Variants in RHOBTB1 observed in about 807,000 individuals in gnomAD.
RHOBTB1 encodes the protein Rho related BTB domain containing 1.
In RHOBTB1, 40 loss-of-function variants were observed where a neutral mutation model predicts 71.6. The ratio of observed to expected loss-of-function variants is 0.56; its 90% CI spans 0.43 to 0.73. The LOEUF (loss-of-function observed/expected upper bound fraction) is 0.73, where lower values mean the gene tolerates loss of function less well. Ranked by LOEUF, RHOBTB1 falls within the 30% of genes least tolerant of loss-of-function variation. RHOBTB1 has a pLI of 0.00. For missense variants in RHOBTB1, 797 were observed against 894.0 expected (o/e 0.89, Z 1.38); for synonymous variants, 319 against 334.9 (o/e 0.95, Z 0.52).
At chr10:60,908,658 GT>G (rs1403576502) in intron 4 of RHOBTB1, among the ~76,000 whole-genome samples, 3 of 152,144 alleles carry the variant, frequency 2.0e-5, no homozygotes, top group African/African-American at 7.2e-5. Flanking sequence ...ACTTCTCTCA[GT>G]TTTTTCCATA....
chr10:60,961,782 A>C (rs932182277), intron 2 of RHOBTB1, among the ~76,000 whole-genome samples: 9 of 151,380 alleles, frequency 5.9e-5, no homozygotes, highest in African/African-American at 2.2e-4. Context: ...CAATGCTATT[A>C]ATGCAGTGGT....
intron 2 of RHOBTB1, among the ~76,000 whole-genome samples, chr10:60,925,972 C>T (rs1946592): frequency 0.48 from 72,701 of 151,884 alleles, 18,108 homozygotes; most frequent in East Asian, 0.74. Context: ...GTCTCACACC[C>T]GTAATCCTAG....
chr10:60,900,377 G>C (rs1211844214), intron 4 of RHOBTB1, among the ~76,000 whole-genome samples: 1 of 152,212 alleles, frequency 6.6e-6, no homozygotes, highest in Non-Finnish European at 1.5e-5. Context: ...GGTATAGCCT[G>C]AGGATCAGAT....
chr10:60,906,682 C>T (rs907024060), intron 4 of RHOBTB1, among the ~76,000 whole-genome samples: 1 of 152,188 alleles, frequency 6.6e-6, no homozygotes, highest in Non-Finnish European at 1.5e-5. Flanking sequence ...GTAGCACAGG[C>T]CTGGTGCCTG....
Position 60,889,179 on chromosome 10 carries a change from T to C in RHOBTB1, c.489A>G (p.Ile163Met). 3 of 1,608,300 alleles carry C rather than the reference T, an allele frequency of 1.9e-6. No homozygotes were observed. The highest frequency in any genetic ancestry group is 2.5e-6 in the Non-Finnish European group (3 of 1,177,760). The change falls in exon 6 of 11, where the codon ATA becomes ATG. Residue 163 changes from isoleucine to methionine, a missense_variant. Physicochemically the swap from Ile to Met is conservative, Grantham distance 10. Around this residue, in one of 2 missense-constraint regions of RHOBTB1, gnomAD observed 658 missense variants for 681.5 expected, o/e 0.97. Transcript: ENST00000337910. ...CTGGGGGCAAAATATCCCCTCTCTT[T>C]ATGGGCCTGAAATAGAACATTTTAA... ...NRARRPLARP[I>M]KRGDILPPEK...
chr10:60,874,914 T>C (rs970964737), intron 9 of RHOBTB1, 40 bp downstream of exon 9: 6 of 1,331,656 alleles, frequency 4.5e-6, no homozygotes, highest in Non-Finnish European at 5.4e-6. Flanking sequence ...AATGAACTGA[T>C]TGAACACACT....
intron 2 of RHOBTB1, among the ~76,000 whole-genome samples, chr10:60,920,216 T>C (rs2083480015): frequency 6.6e-6 from 1 of 152,078 alleles, no homozygotes; most frequent in Admixed American, 6.5e-5. Context: ...GGCCTATAGG[T>C]GTACAGTGAA....
intron 1 of RHOBTB1, among the ~76,000 whole-genome samples, chr10:60,988,778 C>G (rs1286656051): frequency 1.3e-5 from 2 of 152,156 alleles, no homozygotes; most frequent in Non-Finnish European, 2.9e-5. Flanking sequence ...GAATTAATAG[C>G]AAGTTTAAAT....
chr10:60,906,500 G>T (rs1450794611), intron 4 of RHOBTB1, among the ~76,000 whole-genome samples: 11 of 152,344 alleles, frequency 7.2e-5, no homozygotes, highest in African/African-American at 2.6e-4. Flanking sequence ...CAGCATGGTG[G>T]ATGGGGAAGA....
intron 2 of RHOBTB1, among the ~76,000 whole-genome samples, chr10:60,983,267 A>C (rs918352162): frequency 2.0e-5 from 3 of 152,196 alleles, no homozygotes; most frequent in African/African-American, 7.2e-5. Flanking sequence ...AGTGAAAATG[A>C]TATCTTCTTA....
upstream of RHOBTB1, among the ~76,000 whole-genome samples, chr10:60,947,440 T>C (rs959700810): frequency 6.6e-6 from 1 of 152,190 alleles, no homozygotes; most frequent in Non-Finnish European, 1.5e-5. Flanking sequence ...TGTTCCACTA[T>C]CACAAAAGAA....
chr10:60,932,515 A>AAAAG (rs1306685533), intron 2 of RHOBTB1, among the ~76,000 whole-genome samples: 1 of 144,240 alleles, frequency 6.9e-6, no homozygotes, highest in East Asian at 2.0e-4. Context: ...TCTTAAAGTA[A>AAAAG]AAAAAAAAAA....
chr10:60,883,780 C>T (rs1240388873), intron 7 of RHOBTB1, among the ~76,000 whole-genome samples: 1 of 152,194 alleles, frequency 6.6e-6, no homozygotes, highest in Non-Finnish European at 1.5e-5. Context: ...AGTAATGACT[C>T]TTACACCCCA....
At chr10:60,899,091 C>T (rs1418287950) in intron 4 of RHOBTB1, among the ~76,000 whole-genome samples, 2 of 152,172 alleles carry the variant, frequency 1.3e-5, no homozygotes, top group African/African-American at 2.4e-5. Flanking sequence ...AGGCCATTTT[C>T]CACTCAAAAT....
intron 1 of RHOBTB1, among the ~76,000 whole-genome samples, chr10:60,993,529 G>A (rs1236132908): frequency 6.6e-6 from 1 of 151,984 alleles, no homozygotes; most frequent in Non-Finnish European, 1.5e-5. Context: ...CTCAAAAACT[G>A]AGAACAAAAT....
chr10:60,924,210 C>T (rs570123163), intron 2 of RHOBTB1, among the ~76,000 whole-genome samples: 1 of 151,492 alleles, frequency 6.6e-6, no homozygotes, highest in African/African-American at 2.4e-5. Flanking sequence ...GGACACAAAC[C>T]CTCTCCATAA....
At chr10:60,903,207 T>C (rs1370938583) in intron 4 of RHOBTB1, among the ~76,000 whole-genome samples, 1 of 152,146 alleles carries the variant, frequency 6.6e-6, no homozygotes, top group Admixed American at 6.6e-5. Flanking sequence ...ATAGGTGGGA[T>C]AGGGGCCTAA....
At chr10:60,866,377 A>C (rs1405503930), downstream of RHOBTB1, among the ~76,000 whole-genome samples, 1 of 152,212 alleles carries the variant, frequency 6.6e-6, no homozygotes, top group Non-Finnish European at 1.5e-5. Context: ...GCTATGTAAC[A>C]CCATTTGTGT....
Position 60,888,445 on chromosome 10 carries a change from G to T in RHOBTB1, c.1223C>A (p.Pro408Gln). ...TVVRMDASVQ[P>Q]GPFRTLLQFL... ...CTGGAGCAGGGTCCGAAAAGGGCCTGGCTGGACTGAAGCGTCCATCCTGAC... is the reference window on the plus strand; with the variant it reads ...CTGGAGCAGGGTCCGAAAAGGGCCTTGCTGGACTGAAGCGTCCATCCTGAC... The change falls in exon 6 of 11, where the codon CCA becomes CAA. Residue 408 changes from proline (P) to glutamine (Q), a missense_variant. Around this residue, in one of 2 missense-constraint regions of RHOBTB1, gnomAD observed 658 missense variants for 681.5 expected, o/e 0.97. Transcript: ENST00000337910. 1 of 1,614,158 alleles carries T rather than the reference G, an allele frequency of 6.2e-7. No homozygotes were observed. The highest frequency in any genetic ancestry group is 8.5e-7 in the Non-Finnish European group (1 of 1,180,014).
Sources: allele counts gnomAD v4.1 joint callset (sites outside exome capture counted in the v4.1 genomes callset), GRCh38; gene constraint gnomAD v4.1.1; regional missense constraint gnomAD v4.1.1; transcripts MANE v1.5; gene names NCBI Gene and HGNC (gene_info 2026-07-23, HGNC 2026-07-21).